Variants in RAB5B observed in about 807,000 individuals in gnomAD.
The protein encoded by RAB5B is ras-related protein Rab-5B.
RAB5B carries 11 observed loss-of-function variants against 28.6 expected under a neutral mutation model. The observed-to-expected ratio is 0.38, with a 90% CI of 0.24 to 0.64. RAB5B has a LOEUF of 0.64. Among genes scored for constraint, RAB5B ranks in the 30% least tolerant of loss-of-function variants. The probability of loss-of-function intolerance (pLI) is 0.53; values close to 1 mark genes in which losing one functional copy is unlikely to be tolerated. For missense variants in RAB5B, 169 were observed against 265.6 expected (o/e 0.64, Z 2.53); for synonymous variants, 93 against 97.9 (o/e 0.95, Z 0.29).
Position 55,995,925 on chromosome 12 carries a change from C to T in RAB5B, c.*3713C>T, listed in dbSNP as rs1341328459. The T allele has an allele frequency of 3.5e-5, 5 of 143,764 alleles. No individual in the cohort carries two copies. The highest frequency in any genetic ancestry group is 1.1e-4 in the African/African-American group (4 of 38,004). The allele number at this position is 143,764 out of a possible 1,614,324, so 8.9% of individuals were successfully genotyped here. On this transcript the variant is annotated 3_prime_UTR_variant, in exon 6 of 6. Coordinates refer to ENST00000360299, the MANE Select transcript of RAB5B (RefSeq NM_002868.4). ...TTAGGTTGAAGCTCGCTTTCTCTCTCTCTCCCTCTTTCTCCCTCTCTCTCT... is the reference window on the plus strand; with the variant it reads ...TTAGGTTGAAGCTCGCTTTCTCTCTTTCTCCCTCTTTCTCCCTCTCTCTCT...
chr12:55,992,807 T>G lies in RAB5B; in HGVS notation c.*595T>G. On this transcript the variant is annotated 3_prime_UTR_variant, in exon 6 of 6. Transcript: ENST00000360299. ...TGAAAACATTGCGGTATCCATGATT[T>G]GGCCTTGTGGAGGGTGTTCCTAGGT... 1 of 292,430 alleles carries G rather than the reference T, an allele frequency of 3.4e-6. No homozygotes were observed. Among genetic ancestry groups the G allele is most frequent in the Non-Finnish European group, 6.5e-6 (1 of 154,480 alleles). The allele number at this position is 292,430 out of a possible 1,614,324, so 18.1% of individuals were successfully genotyped here.
At chr12:55,989,019 G>A (rs1890034874) in intron 2 of RAB5B, among the ~76,000 whole-genome samples, 1 of 129,286 alleles carries the variant, frequency 7.7e-6, no homozygotes. Flanking sequence ...GTTGCCCATT[G>A]CAACTTCCGC....
chr12:55,974,091 TTGTC>T lies in RAB5B; in HGVS notation c.-137_-134del, dbSNP rs1889570741. The T allele has an allele frequency of 6.6e-6, 1 of 152,492 alleles. No individual in the cohort carries two copies. Among genetic ancestry groups the T allele is most frequent in the South Asian group, 2.1e-4 (1 of 4,878 alleles). The allele number at this position is 152,492 out of a possible 1,614,324, so 9.4% of individuals were successfully genotyped here. ...GAGGGTTTGGTTGAGCTGCAGCTGTTTGTCTGTTCGACACAGGCTTGGGGCCGAC... is the reference window on the plus strand; with the variant it reads ...GAGGGTTTGGTTGAGCTGCAGCTGTTTGTTCGACACAGGCTTGGGGCCGAC... On this transcript the variant is annotated 5_prime_UTR_variant, in exon 1 of 6. Transcript: ENST00000360299.
At chr12:55,987,225 A>G (rs930303523) in intron 2 of RAB5B, 102 bp downstream of exon 2, 50 of 1,208,926 alleles carry the variant, frequency 4.1e-5, no homozygotes, top group South Asian at 6.1e-5. Flanking sequence ...CAGTGGCGCA[A>G]TCTTGGCTTA....
chr12:55,990,565 G>A (rs1340616388), intron 3 of RAB5B, 117 bp from the exon 4 acceptor site: 12 of 1,284,258 alleles, frequency 9.3e-6, no homozygotes, highest in Non-Finnish European at 1.3e-5. Flanking sequence ...TCAGAGACCT[G>A]TGGTTTCACT....
intron 1 of RAB5B, among the ~76,000 whole-genome samples, chr12:55,978,167 G>T (rs992374241): frequency 6.6e-6 from 1 of 152,160 alleles, no homozygotes; most frequent in African/African-American, 2.4e-5. Flanking sequence ...GATCACAGAG[G>T]AGCCAGGGAG....
intron 1 of RAB5B, among the ~76,000 whole-genome samples, chr12:55,984,381 G>A (rs973837444): frequency 1.3e-5 from 2 of 152,070 alleles, no homozygotes; most frequent in Non-Finnish European, 2.9e-5. Context: ...GTAGAGACGG[G>A]GTTTCACCAT....
intron 3 of RAB5B, 124 bp from the exon 4 acceptor site, chr12:55,990,558 G>C (rs1299337683): frequency 1.6e-5 from 20 of 1,229,784 alleles, no homozygotes; most frequent in Non-Finnish European, 2.3e-5. Context: ...TGAATTATCA[G>C]AGACCTGTGG....
At chr12:55,974,517 G>T (rs996434745) in intron 1 of RAB5B, among the ~76,000 whole-genome samples, 7 of 152,198 alleles carry the variant, frequency 4.6e-5, no homozygotes, top group Admixed American at 4.6e-4. Flanking sequence ...GGTGAGGAGG[G>T]TCAGACCTGT....
At chr12:55,985,266 G>T (rs975191022) in intron 1 of RAB5B, among the ~76,000 whole-genome samples, 1 of 152,088 alleles carries the variant, frequency 6.6e-6, no homozygotes, top group African/African-American at 2.4e-5. Context: ...AGTAAGTGGG[G>T]TTACTGAAAA....
In RAB5B at chr12:55,992,577, C is replaced by T. The variant is rs79669954; in HGVS notation, c.*365C>T. ...CAGAAAACACTTCTGACTCCTGTCC[C>T]TTCCCCTTCTGCTTTTGGTCAGTCC... On this transcript the variant is annotated 3_prime_UTR_variant, in exon 6 of 6. Coordinates refer to ENST00000360299, the MANE Select transcript of RAB5B (RefSeq NM_002868.4). The T allele has an allele frequency of 9.0e-4, 417 of 465,414 alleles. No individual in the cohort carries two copies. The highest frequency in any genetic ancestry group is 7.3e-3 in the African/African-American group (369 of 50,484). The allele number at this position is 465,414 out of a possible 1,614,324, so 28.8% of individuals were successfully genotyped here.
At chr12:55,977,324 A>T (rs966251293) in intron 1 of RAB5B, among the ~76,000 whole-genome samples, 2 of 152,046 alleles carry the variant, frequency 1.3e-5, no homozygotes, top group East Asian at 3.8e-4. Context: ...TTTTTCCAAC[A>T]GTTTTTTGCA....
rs1890214048 is a variant in RAB5B, at chr12:55,993,990, AGAAAG to A, written c.*1785_*1789del. On this transcript the variant is annotated 3_prime_UTR_variant, in exon 6 of 6. Transcript: ENST00000360299. The stretch of plus-strand genomic sequence containing the variant: ...TCCAGCCCGGAGTTTTGGGAAAGAA[AGAAAG>A]GAAAGGTCACAGTGACCTAGGATTG... The A allele has an allele frequency of 6.6e-6, 1 of 152,580 alleles. No individual in the cohort carries two copies. The highest frequency in any genetic ancestry group is 2.1e-4 in the South Asian group (1 of 4,834). The allele number at this position is 152,580 out of a possible 1,614,324, so 9.5% of individuals were successfully genotyped here.
chr12:55,980,351 C>T lies in RAB5B; in HGVS notation c.-93+6212C>T, dbSNP rs1250579155. 6 of 1,231,516 alleles carry T rather than the reference C, an allele frequency of 4.9e-6. No homozygotes were observed. In the East Asian group the frequency reaches 1.4e-4, roughly 29 times the overall value. The allele number at this position is 1,231,516 out of a possible 1,614,324, so 76.3% of individuals were successfully genotyped here. On this transcript the variant is annotated intron_variant, in intron 1 of 5. Transcript: ENST00000360299. The stretch of plus-strand genomic sequence containing the variant: ...CCCTCCAAGCCCCTCTGCTATTTCT[C>T]CCCTGCTCACTCCCTCTGCTGTTGT...
chr12:55,986,933 C>A lies in RAB5B; in HGVS notation c.-28C>A. The A allele has an allele frequency of 6.5e-7, 1 of 1,541,830 alleles. No individual in the cohort carries two copies. The highest frequency in any genetic ancestry group is 8.9e-7 in the Non-Finnish European group (1 of 1,122,086). Reference sequence around the variant, plus strand: ...CCCCTTTACAGTATCCCCCTCCCTCCACCCTTTCCCATTCTGATAATCTGG... The same window carrying A: ...CCCCTTTACAGTATCCCCCTCCCTCAACCCTTTCCCATTCTGATAATCTGG... On this transcript the variant is annotated 5_prime_UTR_variant, in exon 2 of 6. Coordinates refer to ENST00000360299, the MANE Select transcript of RAB5B (RefSeq NM_002868.4).
At chr12:55,979,423 T>C (rs1889737865) in intron 1 of RAB5B, 1 of 152,204 alleles carries the variant, frequency 6.6e-6, no homozygotes, top group African/African-American at 2.4e-5. Context: ...AGAACTCTCA[T>C]TTCAAGATTT....
chr12:55,976,050 A>C (rs1352923996), intron 1 of RAB5B, among the ~76,000 whole-genome samples: 2 of 152,140 alleles, frequency 1.3e-5, no homozygotes, highest in Non-Finnish European at 2.9e-5. Flanking sequence ...ACACCCGGCC[A>C]TCACTACATT....
intron 1 of RAB5B, among the ~76,000 whole-genome samples, chr12:55,982,157 G>T (rs2136477231): frequency 1.3e-5 from 2 of 151,218 alleles, no homozygotes; most frequent in South Asian, 2.1e-4. Flanking sequence ...AGCTAAAAAG[G>T]TTGAAAGGAA....
chr12:55,980,597 C>G, intron 1 of RAB5B: 3 of 1,598,830 alleles, frequency 1.9e-6, no homozygotes, highest in Non-Finnish European at 2.6e-6. Flanking sequence ...TTCGAAAAAT[C>G]GGATTCCATG....
Sources: allele counts gnomAD v4.1 joint callset (sites outside exome capture counted in the v4.1 genomes callset), GRCh38; gene constraint gnomAD v4.1.1; transcripts MANE v1.5; gene names NCBI Gene and HGNC (gene_info 2026-07-23, HGNC 2026-07-21).